The following SCHIP1 variants were observed in gnomAD, a reference collection of about 807,000 sequenced individuals.
SCHIP1 encodes the protein schwannomin-interacting protein 1.
In SCHIP1, 8 loss-of-function variants were observed where a neutral mutation model predicts 29.7. The ratio of observed to expected loss-of-function variants is 0.27; its 90% CI spans 0.16 to 0.49. The LOEUF is 0.49. Among genes scored for constraint, SCHIP1 ranks in the 20% least tolerant of loss-of-function variants. The pLI, the probability that SCHIP1 is intolerant of heterozygous loss-of-function variation, is 0.99. For synonymous variants in SCHIP1, 76 were observed against 94.9 expected (o/e 0.80, Z 1.16); for missense variants, 193 against 294.6 (o/e 0.66, Z 2.52).
At chr3:159,866,646 A>T (rs1440109025) in intron 2 of SCHIP1, among the ~76,000 whole-genome samples, 1 of 150,772 alleles carries the variant, frequency 6.6e-6, no homozygotes, top group Non-Finnish European at 1.5e-5. Flanking sequence ...GCAGTCCCAG[A>T]TCACCCAGAA....
the SCHIP1 span, among the ~76,000 whole-genome samples, chr3:159,707,992 C>T: frequency 6.6e-6 from 1 of 152,150 alleles, no homozygotes; most frequent in African/African-American, 2.4e-5. Context: ...ACTTCTTTCT[C>T]GCCTTCTATT....
At chr3:159,548,344 T>C in the SCHIP1 span, among the ~76,000 whole-genome samples, 1 of 152,048 alleles carries the variant, frequency 6.6e-6, no homozygotes, top group Non-Finnish European at 1.5e-5. Flanking sequence ...TGGTAAGTTA[T>C]TTTTAGGAAT....
chr3:159,408,244 G>A, the SCHIP1 span, among the ~76,000 whole-genome samples: 1 of 150,826 alleles, frequency 6.6e-6, no homozygotes, highest in Non-Finnish European at 1.5e-5. Flanking sequence ...CTTGCAGTGA[G>A]CCGAGATCAC....
chr3:159,461,984 C>T, the SCHIP1 span, among the ~76,000 whole-genome samples: 5 of 152,000 alleles, frequency 3.3e-5, no homozygotes, highest in Middle Eastern at 3.4e-3. Flanking sequence ...CCGAGGTGGG[C>T]GGATCACCTG....
At chr3:159,703,278 T>C in the SCHIP1 span, among the ~76,000 whole-genome samples, 35 of 152,312 alleles carry the variant, frequency 2.3e-4, no homozygotes, top group African/African-American at 8.2e-4. Flanking sequence ...CATCAACCAT[T>C]TACATTGAAG....
chr3:159,415,564 T>C, the SCHIP1 span, among the ~76,000 whole-genome samples: 2,495 of 152,312 alleles, frequency 0.016, 58 homozygotes, highest in African/African-American at 0.057. Flanking sequence ...TTTCTCTTCC[T>C]GTGTTAGTTT....
chr3:159,581,540 T>C, the SCHIP1 span, among the ~76,000 whole-genome samples: 1 of 152,106 alleles, frequency 6.6e-6, no homozygotes, highest in Non-Finnish European at 1.5e-5. Flanking sequence ...TAAGATGCAG[T>C]AATTCTCACC....
At chr3:159,343,876 A>G in the SCHIP1 span, among the ~76,000 whole-genome samples, 1 of 152,218 alleles carries the variant, frequency 6.6e-6, no homozygotes, top group African/African-American at 2.4e-5. Context: ...ATTATAAATT[A>G]TCAAGTAGTG....
At chr3:159,334,546 C>T in the SCHIP1 span, among the ~76,000 whole-genome samples, 1 of 152,188 alleles carries the variant, frequency 6.6e-6, no homozygotes, top group Non-Finnish European at 1.5e-5. Flanking sequence ...ATTCCATACA[C>T]TCTCCAAAAT....
At chr3:159,885,475 A>G (rs914220310) in intron 2 of SCHIP1, among the ~76,000 whole-genome samples, 13 of 152,238 alleles carry the variant, frequency 8.5e-5, no homozygotes, top group African/African-American at 3.1e-4. Context: ...CTGTGCTTCC[A>G]AAAACATCAG....
chr3:159,669,550 TAC>T, the SCHIP1 span, among the ~76,000 whole-genome samples: 8 of 152,304 alleles, frequency 5.3e-5, no homozygotes, highest in African/African-American at 1.9e-4. Context: ...CCTTCACTGG[TAC>T]AGATTTTATG....
At chr3:159,526,661 C>T in the SCHIP1 span, among the ~76,000 whole-genome samples, 6 of 152,136 alleles carry the variant, frequency 3.9e-5, no homozygotes, top group Admixed American at 2.6e-4. Flanking sequence ...TAGGTTCCTG[C>T]GGAAGGAAAG....
the SCHIP1 span, among the ~76,000 whole-genome samples, chr3:159,276,869 A>G: frequency 6.6e-6 from 1 of 152,162 alleles, no homozygotes; most frequent in East Asian, 1.9e-4. Context: ...TGTAAAGAAC[A>G]AGTACACATC....
At chr3:159,335,875 C>G in the SCHIP1 span, among the ~76,000 whole-genome samples, 889 of 152,184 alleles carry the variant, frequency 5.8e-3, 6 homozygotes, top group Non-Finnish European at 9.8e-3. Flanking sequence ...GGGATGGCTG[C>G]GTCAAATGGT....
the SCHIP1 span, among the ~76,000 whole-genome samples, chr3:159,363,724 T>C: frequency 2.0e-5 from 3 of 152,232 alleles, no homozygotes; most frequent in South Asian, 6.2e-4. Flanking sequence ...TTTAGTCAGG[T>C]AATACCAATT....
chr3:159,600,990 T>C, the SCHIP1 span, among the ~76,000 whole-genome samples: 6 of 152,210 alleles, frequency 3.9e-5, no homozygotes, highest in African/African-American at 9.6e-5. Flanking sequence ...CTATTAGTGA[T>C]GAAGTTGTGC....
chr3:159,431,473 A>G, the SCHIP1 span, among the ~76,000 whole-genome samples: 1 of 152,164 alleles, frequency 6.6e-6, no homozygotes, highest in Middle Eastern at 3.2e-3. Flanking sequence ...AGAGGTGTTT[A>G]TATGTTTGTA....
chr3:159,368,687 C>G, the SCHIP1 span, among the ~76,000 whole-genome samples: 2 of 151,964 alleles, frequency 1.3e-5, no homozygotes, highest in African/African-American at 4.8e-5. Flanking sequence ...GACATGCACA[C>G]TACATGTCTA....
At chr3:159,577,363 G>A in the SCHIP1 span, among the ~76,000 whole-genome samples, 1 of 152,144 alleles carries the variant, frequency 6.6e-6, no homozygotes, top group African/African-American at 2.4e-5. Flanking sequence ...GTTTTAAATG[G>A]CATTAATTTT....
Sources: gnomAD v4.1 joint callset for allele counts (sites outside exome capture counted in the v4.1 genomes callset) on GRCh38, gnomAD v4.1.1 for gene constraint, MANE v1.5 for transcripts, NCBI Gene and HGNC (gene_info 2026-07-23, HGNC 2026-07-21) for gene names.